The following ELF5 variants were observed in gnomAD, a reference collection of about 807,000 sequenced individuals.
ELF5 encodes E74 like ETS transcription factor 5, also known as ETS-related transcription factor Elf-5.
In ELF5, 31 loss-of-function variants were observed where a neutral mutation model predicts 38.2. The observed-to-expected ratio is 0.81, with a 90% CI of 0.61 to 1.10. The LOEUF is 1.10. Among genes scored for constraint, ELF5 ranks in the 50% least tolerant of loss-of-function variants. ELF5 has a pLI of 0.00. For synonymous variants in ELF5, 121 were observed against 112.5 expected (o/e 1.08, Z -0.48); for missense variants, 300 against 306.6 (o/e 0.98, Z 0.16).
At position 34,499,284 on chromosome 11, in the gene ELF5, C is replaced by T. The variant is rs547770058; in HGVS notation, c.122-5572G>A. ...TGAGACAGGGTCTCACTCTGTCATC[C>T]GGGCTGGAGTGCAGTTGCTCGAACA... On this transcript the variant is annotated intron_variant, in intron 2 of 6. Transcript: ENST00000257832. 2.8e-4 allele frequency among the ~76,000 whole-genome samples: 43 copies of T among 151,914 alleles called. No individual in the cohort carries two copies. The South Asian group carries it at 4.4e-3, about 16-fold the overall frequency.
chr11:34,491,617 C>T (rs1369992994), intron 3 of ELF5: 1 of 150,362 alleles, frequency 6.7e-6, no homozygotes, highest in Non-Finnish European at 1.5e-5. Flanking sequence ...CTCTTTTTGC[C>T]CAGGCTGGAG....
intron 2 of ELF5, among the ~76,000 whole-genome samples, 160 bp downstream of exon 2, chr11:34,505,469 A>T (rs983125212): frequency 1.2e-4 from 18 of 152,190 alleles, no homozygotes; most frequent in African/African-American, 3.6e-4. Context: ...TATCTGCAAG[A>T]GGTTGCCCTT....
rs1856897952 is a variant in ELF5 at position 34,480,105 on chromosome 11, A to C, written c.*113T>G. ...TGAGATGTGGAGAAATTTTATCAGCATGTTTGCAGGTTAAAAAAAAAGAGA... is the reference window on the plus strand; with the variant it reads ...TGAGATGTGGAGAAATTTTATCAGCCTGTTTGCAGGTTAAAAAAAAAGAGA... On this transcript the variant is annotated 3_prime_UTR_variant, in exon 7 of 7. Transcript: ENST00000257832. 1.2e-6 allele frequency: 1 copy of C among 827,518 alleles called. No homozygotes were observed. Among genetic ancestry groups the C allele is most frequent in the Admixed American group, 2.7e-5 (1 of 37,324 alleles). The allele number at this position is 827,518 out of a possible 1,614,324, so 51.3% of individuals were successfully genotyped here.
intron 1 of ELF5, among the ~76,000 whole-genome samples, chr11:34,506,522 GT>G (rs1850617051): frequency 6.6e-6 from 1 of 151,982 alleles, no homozygotes; most frequent in Non-Finnish European, 1.5e-5. Flanking sequence ...AAATAAAATT[GT>G]TTTTTTTAAA....
chr11:34,493,773 C>T (rs1239113274), intron 2 of ELF5, 61 bp from the exon 3 acceptor site: 3 of 1,430,480 alleles, frequency 2.1e-6, no homozygotes, highest in African/African-American at 2.8e-5. Context: ...GAGAGGGCCC[C>T]TGAAGGATGC....
chr11:34,494,176 C>T (rs1393053819), intron 2 of ELF5, among the ~76,000 whole-genome samples: 1 of 152,058 alleles, frequency 6.6e-6, no homozygotes, highest in Non-Finnish European at 1.5e-5. Flanking sequence ...TGCTCAATGC[C>T]CAGGACTATT....
chr11:34,483,472 T>C (rs993062661), intron 4 of ELF5, among the ~76,000 whole-genome samples: 3 of 151,946 alleles, frequency 2.0e-5, no homozygotes, highest in African/African-American at 4.8e-5. Context: ...TGCTATGCTA[T>C]AGTAACTGTA....
intron 4 of ELF5, among the ~76,000 whole-genome samples, chr11:34,486,609 A>T (rs1347129933): frequency 1.3e-5 from 2 of 152,210 alleles, no homozygotes; most frequent in Admixed American, 1.3e-4. Flanking sequence ...CATAGCACAC[A>T]ATGTAAAAAG....
At chr11:34,487,856 T>C (rs768830417) in intron 4 of ELF5, among the ~76,000 whole-genome samples, 10 of 152,164 alleles carry the variant, frequency 6.6e-5, no homozygotes, top group Non-Finnish European at 1.0e-4. Context: ...ATAACTTAAG[T>C]AATTAAACTG....
In ELF5 at chr11:34,484,021, TACTA is replaced by T. The variant is rs139456930; in HGVS notation, c.407-1526_407-1523del. Among the ~76,000 whole-genome samples the T allele has an allele frequency of 7.8e-4, 118 of 151,708 alleles. No homozygotes were observed. In the East Asian group the frequency reaches 0.022, roughly 29 times the overall value. ...ATACTATATTAACTGTATTGTACTG[TACTA>T]ACTATATTGTATTATACTGTAGTAT... On this transcript the variant is annotated intron_variant, in intron 4 of 6. Coordinates refer to ENST00000257832, the MANE Select transcript of ELF5 (RefSeq NM_001422.4).
intron 4 of ELF5, among the ~76,000 whole-genome samples, chr11:34,483,919 T>C (rs150753600): frequency 2.6e-5 from 4 of 151,932 alleles, no homozygotes; most frequent in African/African-American, 9.7e-5. Context: ...ATACTAACTG[T>C]ACTGTACTGT....
chr11:34,488,410 A>G (rs1802156989), intron 4 of ELF5, among the ~76,000 whole-genome samples: 1 of 152,154 alleles, frequency 6.6e-6, no homozygotes, highest in Non-Finnish European at 1.5e-5. Context: ...TAAGCATGTC[A>G]CCTTTAACCT....
At chr11:34,488,876 A>G (rs1850082745) in intron 4 of ELF5, among the ~76,000 whole-genome samples, 1 of 152,210 alleles carries the variant, frequency 6.6e-6, no homozygotes, top group African/African-American at 2.4e-5. Flanking sequence ...CATTTCTTCC[A>G]GGGGCTTTGA....
chr11:34,490,172 G>A, intron 3 of ELF5, 113 bp from the exon 4 acceptor site: 1 of 1,207,702 alleles, frequency 8.3e-7, no homozygotes, highest in Non-Finnish European at 1.2e-6. Flanking sequence ...CTTGAGGTTG[G>A]TTACAATTTA....
intron 1 of ELF5, among the ~76,000 whole-genome samples, chr11:34,509,298 A>T (rs533501887): frequency 6.6e-6 from 1 of 152,300 alleles, no homozygotes; most frequent in African/African-American, 2.4e-5. Flanking sequence ...ACTGCACTCC[A>T]GCCTGGGTGA....
chr11:34,513,514 G>A (rs556389580), intron 1 of ELF5, among the ~76,000 whole-genome samples, 163 bp downstream of exon 1: 1 of 152,262 alleles, frequency 6.6e-6, no homozygotes, highest in African/African-American at 2.4e-5. Flanking sequence ...GAGGCAAGCC[G>A]TCACATCCGT....
intron 1 of ELF5, among the ~76,000 whole-genome samples, chr11:34,510,768 T>G (rs1053655107): frequency 6.6e-6 from 1 of 152,154 alleles, no homozygotes; most frequent in South Asian, 2.1e-4. Context: ...GGTACTCACA[T>G]TTCTGGTGGG....
At chr11:34,492,623 T>A (rs937830071) in intron 3 of ELF5, 1 of 152,232 alleles carries the variant, frequency 6.6e-6, no homozygotes, top group African/African-American at 2.4e-5. Flanking sequence ...CATTTCCATC[T>A]TCATATGCTG....
Position 34,483,055 on chromosome 11 carries a change from C to T in ELF5, c.407-556G>A, listed in dbSNP as rs908207466. Among the ~76,000 whole-genome samples the T allele has an allele frequency of 3.3e-5, 5 of 152,096 alleles. No homozygotes were observed. In the South Asian group the frequency reaches 1.0e-3, roughly 32 times the overall value. The stretch of plus-strand genomic sequence containing the variant: ...CCCCTCCAGCTCACACTCGTCTCCA[C>T]CGCTTCTCTTAGCCCCCTGCTTGCT... On this transcript the variant is annotated intron_variant, in intron 4 of 6. Coordinates refer to ENST00000257832, the MANE Select transcript of ELF5 (RefSeq NM_001422.4).
Sources: gnomAD v4.1 joint callset for allele counts (sites outside exome capture counted in the v4.1 genomes callset) on GRCh38, gnomAD v4.1.1 for gene constraint, MANE v1.5 for transcripts, NCBI Gene and HGNC (gene_info 2026-07-23, HGNC 2026-07-21) for gene names.